KMT2B: variants seen among roughly 807,000 people sequenced by gnomAD.
KMT2B encodes lysine methyltransferase 2B.
Under a neutral mutation model 255.3 loss-of-function variants are expected in KMT2B, and 22 were observed. The observed-to-expected ratio is 0.09, with a 90% CI of 0.06 to 0.12. The LOEUF is 0.12. Ranked by LOEUF, KMT2B falls within the 10% of genes least tolerant of loss-of-function variation. The pLI is 1.00. For missense variants in KMT2B, 3,149 were observed against 3,737.0 expected (o/e 0.84, Z 4.10); for synonymous variants, 1,730 against 1,498.1 (o/e 1.15, Z -3.57).
At position 35,721,488 on chromosome 19, in the gene KMT2B, C is replaced by T. The variant is rs1475030129; in HGVS notation, c.2141C>T (p.Pro714Leu). Residue 714 changes from proline to leucine, a missense_variant, in exon 3 of 37, where the codon CCT becomes CTT. This residue lies in a region of KMT2B where 1,188 missense variants were observed against 1,106.4 expected (regional missense o/e 1.07). Coordinates refer to ENST00000420124, the MANE Select transcript of KMT2B (RefSeq NM_014727.3). Reference sequence around the variant, plus strand: ...CGATTCGCCCCTGTGGTCACCACTCCTGTTAAGGCCGAGGTGTCCCCTCAC... The same window carrying T: ...CGATTCGCCCCTGTGGTCACCACTCTTGTTAAGGCCGAGGTGTCCCCTCAC... ...LPRFAPVVTT[P>L]VKAEVSPHGA... The T allele has an allele frequency of 3.7e-6, 6 of 1,612,690 alleles. No individual in the cohort carries two copies. In the East Asian group the frequency reaches 6.7e-5, roughly 18 times the overall value.
At chr19:35,726,719 C>T (rs1448042782) in intron 14 of KMT2B, among the ~76,000 whole-genome samples, 5 of 152,168 alleles carry the variant, frequency 3.3e-5, no homozygotes, top group Non-Finnish European at 7.4e-5. Context: ...CACAGTGGCT[C>T]ACGCCTGTAA....
Position 35,725,139 on chromosome 19 carries a change from A to G in KMT2B, c.3528+52A>G. On this transcript the variant is annotated intron_variant, in intron 10 of 36. Transcript: ENST00000420124. This position sits in a 1 kb window ranked among gnomAD's most constrained non-coding sequence, Gnocchi z 4.1. ...AGAGCCTCTGGTTGGAAGAACCTCGATGACTGTGTCATCGAGAAGCCAGGT... is the reference window on the plus strand; with the variant it reads ...AGAGCCTCTGGTTGGAAGAACCTCGGTGACTGTGTCATCGAGAAGCCAGGT... 1 of 1,579,070 alleles carries G rather than the reference A, an allele frequency of 6.3e-7. No homozygotes were observed. The highest frequency in any genetic ancestry group is 8.7e-7 in the Non-Finnish European group (1 of 1,148,376).
rs1969063903 is a variant in KMT2B, at chr19:35,718,800, G to A, written c.363+419G>A. Among the ~76,000 whole-genome samples the A allele has an allele frequency of 6.6e-6, 1 of 152,190 alleles. No individual in the cohort carries two copies. Among genetic ancestry groups the A allele is most frequent in the African/African-American group, 2.4e-5 (1 of 41,442 alleles). On this transcript the variant is annotated intron_variant, in intron 1 of 36. Transcript: ENST00000420124. The surrounding 1 kb of genome is among the most constrained non-coding windows in gnomAD (Gnocchi z 5.0). ...CCCCGCCGGGCCTCGCAACCTCCTG[G>A]TTTCTCCAGGGCCCCAGTTTCTCTT...
At position 35,718,977 on chromosome 19, in the gene KMT2B, C is replaced by A. The variant is rs978670892; in HGVS notation, c.364-492C>A. Reference sequence around the variant, plus strand: ...AGAACAGGCAGGAAGGTGTGGGTTGCGTTGCCCTGGACGGTTAATAACAAC... The same window carrying A: ...AGAACAGGCAGGAAGGTGTGGGTTGAGTTGCCCTGGACGGTTAATAACAAC... On this transcript the variant is annotated intron_variant, in intron 1 of 36. Coordinates refer to ENST00000420124, the MANE Select transcript of KMT2B (RefSeq NM_014727.3). The surrounding 1 kb of genome is among the most constrained non-coding windows in gnomAD (Gnocchi z 5.0). Among the ~76,000 whole-genome samples the A allele has an allele frequency of 6.6e-6, 1 of 152,158 alleles. No homozygotes were observed. Among genetic ancestry groups the A allele is most frequent in the Non-Finnish European group, 1.5e-5 (1 of 68,018 alleles).
Position 35,723,685 on chromosome 19 carries a change from A to G in KMT2B, c.3059-47A>G, listed in dbSNP as rs1177235995. 4.1e-6 allele frequency: 6 copies of G among 1,481,070 alleles called. No individual in the cohort carries two copies. The highest frequency in any genetic ancestry group is 1.3e-5 in the South Asian group (1 of 74,812). The allele number at this position is 1,481,070 out of a possible 1,614,324, so 91.7% of individuals were successfully genotyped here. Reference sequence around the variant, plus strand: ...TTTCTGGCTTCTCTCCCAGTGTCCCATGTCCCTGGCTGAGCTCAAATCCTA... The same window carrying G: ...TTTCTGGCTTCTCTCCCAGTGTCCCGTGTCCCTGGCTGAGCTCAAATCCTA... On this transcript the variant is annotated intron_variant, in intron 7 of 36. Coordinates refer to ENST00000420124, the MANE Select transcript of KMT2B (RefSeq NM_014727.3). This position sits in a 1 kb window ranked among gnomAD's most constrained non-coding sequence, Gnocchi z 7.5.
In KMT2B at chr19:35,733,014, C is replaced by G; in HGVS notation, c.6465C>G (p.Ser2155Arg). ...AGCCCTCCCAAGGCCTGACCGCCAG[C>G]CCAGCTGACCCCACCCGCACATTTG... ...GSQPSQGLTA[S>R]PADPTRTFAW... Residue 2155 changes from serine to arginine, a missense_variant, in exon 28 of 37, where the codon AGC becomes AGG. Ser to Arg is a moderately radical substitution (Grantham distance 110). Coordinates refer to ENST00000420124, the MANE Select transcript of KMT2B (RefSeq NM_014727.3). This position sits in a 1 kb window ranked among gnomAD's most constrained non-coding sequence, Gnocchi z 4.3. 6.3e-7 allele frequency: 1 copy of G among 1,593,684 alleles called. No individual in the cohort carries two copies.
chr19:35,733,303 G>GCCCCGCCCCCGCCACCCCCTC lies in KMT2B; in HGVS notation c.6758_6778dup (p.Pro2253_Pro2259dup). On this transcript the variant is annotated inframe_insertion, in exon 28 of 37. Coordinates refer to ENST00000420124, the MANE Select transcript of KMT2B (RefSeq NM_014727.3). The surrounding 1 kb of genome is among the most constrained non-coding windows in gnomAD (Gnocchi z 4.3). ...GCCCGTGGTCGGAGTGGTCCGCCCT[G>GCCCCGCCCCCGCCACCCCCTC]CCCCGCCCCCGCCACCCCCTCCCCT... 1 of 1,340,098 alleles carries GCCCCGCCCCCGCCACCCCCTC rather than the reference G, an allele frequency of 7.5e-7. No homozygotes were observed. Among genetic ancestry groups the GCCCCGCCCCCGCCACCCCCTC allele is most frequent in the South Asian group, 1.3e-5 (1 of 79,534 alleles). 83.0% of individuals were successfully genotyped at this position (1,340,098 alleles called of 1,614,324 possible).
Position 35,737,792 on chromosome 19 carries a change from AGAGT to A in KMT2B, c.7658+53_7658+56del. 6.5e-7 allele frequency: 1 copy of A among 1,549,358 alleles called. No individual in the cohort carries two copies. The highest frequency in any genetic ancestry group is 8.7e-7 in the Non-Finnish European group (1 of 1,144,006). The stretch of plus-strand genomic sequence containing the variant: ...GGGTGGTGGTCTGGAAGGGTCTTAG[AGAGT>A]GAGCAGGGGTGAGAGAGGTCATTCT... On this transcript the variant is annotated intron_variant, in intron 34 of 36. Transcript: ENST00000420124. The surrounding 1 kb of genome is among the most constrained non-coding windows in gnomAD (Gnocchi z 5.3).
chr19:35,730,437 A>G lies in KMT2B; in HGVS notation c.5172A>G (p.Glu1724=). ...AGCGGAAGTTCTTGACGGGGCTTGA[A>G]CCCGATGCCATCAACGTGCTCATTG... ...NFKRKFLTGL[E]PDAINVLIGS... is the part of the protein sequence containing the mutation. Residue 1724 remains glutamate, a synonymous_variant, in exon 24 of 37, where the codon GAA becomes GAG. Transcript: ENST00000420124. 1 of 1,613,696 alleles carries G rather than the reference A, an allele frequency of 6.2e-7. No individual in the cohort carries two copies. The highest frequency in any genetic ancestry group is 8.5e-7 in the Non-Finnish European group (1 of 1,179,704).
chr19:35,732,147 G>C lies in KMT2B; in HGVS notation c.5665+12G>C, dbSNP rs1170657041. 2 of 1,579,080 alleles carry C rather than the reference G, an allele frequency of 1.3e-6. No homozygotes were observed. The highest frequency in any genetic ancestry group is 1.8e-5 in the Admixed American group (1 of 55,340). Reference sequence around the variant, plus strand: ...CCTGCCCTCCCCTGGTGAGCACCGGGCATGTGGGGGTTGGGGGTGGAGCCG... The same window carrying C: ...CCTGCCCTCCCCTGGTGAGCACCGGCCATGTGGGGGTTGGGGGTGGAGCCG... On this transcript the variant is annotated intron_variant, in intron 27 of 36. Transcript: ENST00000420124.
intron 20 of KMT2B, 41 bp from the exon 21 acceptor site, chr19:35,728,944 G>T (rs774353115): frequency 6.2e-7 from 1 of 1,612,434 alleles, no homozygotes; most frequent in Non-Finnish European, 8.5e-7. Flanking sequence ...GCCTGGCTCC[G>T]GGTCCTGATT....
At position 35,721,802 on chromosome 19, in the gene KMT2B, C is replaced by T. The variant is rs752105373; in HGVS notation, c.2455C>T (p.Pro819Ser). Residue 819 changes from proline (P) to serine (S), a missense_variant and splice_region_variant, in exon 3 of 37, where the codon CCG becomes TCG. By Grantham distance (74) the Pro-to-Ser change is moderately conservative. Around this residue, in one of 18 missense-constraint regions of KMT2B, gnomAD observed 1,188 missense variants for 1,106.4 expected, o/e 1.07. Transcript: ENST00000420124. ...GCAGCAGAAGGTGGCAGCTTCCATG[C>T]CGGTGAGTGTGGTCCCTGGGCCCAG... ...QQQQKVAASM[P>S]LSPGGQMEEV... 8 of 1,581,540 alleles carry T rather than the reference C, an allele frequency of 5.1e-6. No homozygotes were observed. Among genetic ancestry groups the T allele is most frequent in the African/African-American group, 2.7e-5 (2 of 74,534 alleles).
chr19:35,723,591 C>A lies in KMT2B; in HGVS notation c.3058+89C>A, dbSNP rs1400666889. 7.5e-7 allele frequency: 1 copy of A among 1,328,314 alleles called. No individual in the cohort carries two copies. Among genetic ancestry groups the A allele is most frequent in the Non-Finnish European group, 1.0e-6 (1 of 968,244 alleles). 82.3% of individuals were successfully genotyped at this position (1,328,314 alleles called of 1,614,324 possible). A position where few individuals can be genotyped will look rare whatever the true frequency, so the allele number is the denominator to read the frequency against. ...TGTTTTTCTTTGCTCTCCTCCCTTG[C>A]AGCTCACCCTCTCCATCTTCTCCGT... On this transcript the variant is annotated intron_variant, in intron 7 of 36. Coordinates refer to ENST00000420124, the MANE Select transcript of KMT2B (RefSeq NM_014727.3). The surrounding 1 kb of genome is among the most constrained non-coding windows in gnomAD (Gnocchi z 7.5).
At position 35,737,079 on chromosome 19, in the gene KMT2B, C is replaced by T; in HGVS notation, c.7373-7C>T. ...ATGACAGGTGTGTCCTCAACATCTC[C>T]CCTCAGGAATGAGTGGGGCGAGACT... On this transcript the variant is annotated splice_region_variant and splice_polypyrimidine_tract_variant and intron_variant, in intron 32 of 36. Coordinates refer to ENST00000420124, the MANE Select transcript of KMT2B (RefSeq NM_014727.3). This position sits in a 1 kb window ranked among gnomAD's most constrained non-coding sequence, Gnocchi z 5.3. The T allele has an allele frequency of 6.2e-7, 1 of 1,610,252 alleles. No individual in the cohort carries two copies. The highest frequency in any genetic ancestry group is 1.1e-5 in the South Asian group (1 of 90,678).
Position 35,733,177 on chromosome 19 carries a change from C to T in KMT2B, c.6628C>T (p.Pro2210Ser), listed in dbSNP as rs373926591. ...TGTGAAGATGGCTGGGGAGGGTGAA[C>T]CTGTCCCACCCCCAGTGAAGCAGCC... ...VFVKMAGEGEPVPPPVKQPPL... is the reference protein window; with the variant it reads ...VFVKMAGEGESVPPPVKQPPL... Residue 2210 changes from proline (P) to serine (S), a missense_variant, in exon 28 of 37, where the codon CCT (proline) becomes TCT (serine). Transcript: ENST00000420124. This position sits in a 1 kb window ranked among gnomAD's most constrained non-coding sequence, Gnocchi z 4.3. 1.1e-4 allele frequency: 170 copies of T among 1,555,582 alleles called. No homozygotes were observed. In the Middle Eastern group the frequency reaches 1.5e-3, roughly 14 times the overall value.
chr19:35,722,111 T>C (rs917359092), intron 3 of KMT2B, among the ~76,000 whole-genome samples: 8 of 151,848 alleles, frequency 5.3e-5, no homozygotes, highest in African/African-American at 1.9e-4. Flanking sequence ...TTCAAGAGAT[T>C]CTCCTGCCTC....
rs962331806 is a variant in KMT2B at position 35,719,796 on chromosome 19, G to A, written c.449G>A (p.Arg150Gln). Reference sequence around the variant, plus strand: ...ATTCTCCTTTTAGGTCGAGCGCCCCGAGGTCGGGGTCGCAAGCATAAGACG... The same window carrying A: ...ATTCTCCTTTTAGGTCGAGCGCCCCAAGGTCGGGGTCGCAAGCATAAGACG... ...ALRSQRGRAP[R>Q]GRGRKHKTTP... The change falls in exon 3 of 37, where the codon CGA (arginine) becomes CAA (glutamine). Residue 150 changes from arginine to glutamine, a missense_variant. Physicochemically the swap from Arg to Gln is conservative, Grantham distance 43 (BLOSUM62 1). Around this residue, in one of 18 missense-constraint regions of KMT2B, gnomAD observed 1,188 missense variants for 1,106.4 expected, o/e 1.07. Coordinates refer to ENST00000420124, the MANE Select transcript of KMT2B (RefSeq NM_014727.3). The A allele has an allele frequency of 8.8e-6, 14 of 1,596,932 alleles. No homozygotes were observed. The highest frequency in any genetic ancestry group is 5.4e-5 in the African/African-American group (4 of 74,278).
chr19:35,718,594 C>T lies in KMT2B; in HGVS notation c.363+213C>T, dbSNP rs1174951294. ...CCCCGGCTGCAGCCAGGCACTCGCGCCCGATGTCGGTCCCGCTGAAGTGTC... is the reference window on the plus strand; with the variant it reads ...CCCCGGCTGCAGCCAGGCACTCGCGTCCGATGTCGGTCCCGCTGAAGTGTC... On this transcript the variant is annotated intron_variant, in intron 1 of 36. Coordinates refer to ENST00000420124, the MANE Select transcript of KMT2B (RefSeq NM_014727.3). The surrounding 1 kb of genome is among the most constrained non-coding windows in gnomAD (Gnocchi z 5.0). Among the ~76,000 whole-genome samples the T allele has an allele frequency of 6.6e-6, 1 of 152,202 alleles. No homozygotes were observed. The highest frequency in any genetic ancestry group is 2.4e-5 in the African/African-American group (1 of 41,438).
rs369956371 is a variant in KMT2B at position 35,734,222 on chromosome 19, A to G, written c.7159+350A>G. Among the ~76,000 whole-genome samples, 8 of 152,210 alleles carry G rather than the reference A, an allele frequency of 5.3e-5. No individual in the cohort carries two copies. The East Asian group carries it at 9.7e-4, about 18-fold the overall frequency. Reference sequence around the variant, plus strand: ...CATCTAGAGGGAATGCAGCCCAGCTAGCACCGAGATGAGGGTCAGGGACAG... The same window carrying G: ...CATCTAGAGGGAATGCAGCCCAGCTGGCACCGAGATGAGGGTCAGGGACAG... On this transcript the variant is annotated intron_variant, in intron 30 of 36. Coordinates refer to ENST00000420124, the MANE Select transcript of KMT2B (RefSeq NM_014727.3).
Sources: allele counts gnomAD v4.1 joint callset (sites outside exome capture counted in the v4.1 genomes callset), GRCh38; gene constraint gnomAD v4.1.1; regional missense constraint gnomAD v4.1.1; non-coding constraint Gnocchi (gnomAD v3.1); transcripts MANE v1.5; gene names NCBI Gene and HGNC (gene_info 2026-07-23, HGNC 2026-07-21).